SPAG16: variants seen among roughly 807,000 people sequenced by gnomAD.
SPAG16 encodes the protein sperm associated antigen 16, also known as sperm-associated antigen 16 protein.
Under a neutral mutation model 80.4 loss-of-function variants are expected in SPAG16, and 86 were observed. That is an observed-to-expected ratio of 1.07 (90% CI 0.90 to 1.28). SPAG16 has a LOEUF of 1.28. SPAG16 is among the 50% of genes most tolerant of loss of function. The pLI is 0.00. For missense variants in SPAG16, 870 were observed against 765.3 expected (o/e 1.14, Z -1.61); for synonymous variants, 294 against 265.9 (o/e 1.11, Z -1.03).
At chr2:213,766,370 T>C (rs1293513387) in intron 10 of SPAG16, among the ~76,000 whole-genome samples, 2 of 152,196 alleles carry the variant, frequency 1.3e-5, no homozygotes, top group African/African-American at 4.8e-5. Flanking sequence ...TTGTACACTT[T>C]TAAATGGTGA....
At chr2:213,982,631 G>GTGTT (rs1209391246) in intron 12 of SPAG16, among the ~76,000 whole-genome samples, 5 of 151,432 alleles carry the variant, frequency 3.3e-5, no homozygotes, top group Non-Finnish European at 5.9e-5. Flanking sequence ...GTGTGTGTGT[G>GTGTT]TGTGTGTGTG....
At chr2:214,023,238 G>C (rs1187337194) in intron 13 of SPAG16, among the ~76,000 whole-genome samples, 1 of 151,714 alleles carries the variant, frequency 6.6e-6, no homozygotes, top group African/African-American at 2.4e-5. Context: ...TGTGTTCTGA[G>C]AAAAGTCACA....
intron 10 of SPAG16, among the ~76,000 whole-genome samples, chr2:213,725,916 G>A (rs2066748856): frequency 2.0e-5 from 3 of 152,202 alleles, no homozygotes; most frequent in Admixed American, 1.3e-4. Flanking sequence ...TCAGGACATT[G>A]AAAGAAGGCA....
At chr2:213,706,162 C>T (rs537660063) in intron 10 of SPAG16, among the ~76,000 whole-genome samples, 3 of 152,204 alleles carry the variant, frequency 2.0e-5, no homozygotes, top group East Asian at 1.9e-4. Flanking sequence ...ATCATGGAGC[C>T]GAGGTGGCAG....
intron 9 of SPAG16, among the ~76,000 whole-genome samples, chr2:213,451,689 A>G (rs979236932): frequency 3.9e-5 from 6 of 152,150 alleles, no homozygotes; most frequent in Admixed American, 2.0e-4. Context: ...GTCAGGGTTT[A>G]TATAAATGGG....
intron 12 of SPAG16, among the ~76,000 whole-genome samples, chr2:214,011,455 T>C (rs1016794981): frequency 1.6e-4 from 19 of 118,318 alleles, no homozygotes; most frequent in Non-Finnish European, 2.9e-4. Flanking sequence ...CAGCAAACTT[T>C]TCTTCAAAGG....
intron 11 of SPAG16, among the ~76,000 whole-genome samples, chr2:213,893,453 T>C (rs2076865408): frequency 6.6e-6 from 1 of 152,154 alleles, no homozygotes; most frequent in Non-Finnish European, 1.5e-5. Context: ...TGCAATTCAC[T>C]CATAACTCTA....
intron 10 of SPAG16, among the ~76,000 whole-genome samples, chr2:213,655,787 G>A (rs372892366): frequency 1.3e-5 from 2 of 152,126 alleles, no homozygotes; most frequent in Admixed American, 6.5e-5. Flanking sequence ...AATTTTAAAT[G>A]TACCTAATCC....
chr2:213,532,034 C>T (rs980806526), intron 10 of SPAG16, among the ~76,000 whole-genome samples: 5 of 152,114 alleles, frequency 3.3e-5, no homozygotes, highest in African/African-American at 1.2e-4. Context: ...ATACTGGCAT[C>T]AAGAAATTCT....
intron 10 of SPAG16, among the ~76,000 whole-genome samples, chr2:213,580,494 A>G (rs1236044525): frequency 3.9e-5 from 6 of 152,146 alleles, no homozygotes; most frequent in Non-Finnish European, 7.4e-5. Flanking sequence ...ATTGTATTAC[A>G]TAATTCTATG....
intron 13 of SPAG16, among the ~76,000 whole-genome samples, chr2:214,057,237 G>C (rs1277170070): frequency 6.7e-6 from 1 of 149,244 alleles, no homozygotes; most frequent in Non-Finnish European, 1.5e-5. Flanking sequence ...AGCTATGGCA[G>C]CTATACCTTA....
intron 5 of SPAG16, among the ~76,000 whole-genome samples, chr2:213,336,941 C>A (rs903488084): frequency 2.6e-5 from 4 of 152,146 alleles, no homozygotes; most frequent in Admixed American, 6.5e-5. Context: ...CAACAGGAGT[C>A]CACAGATAAC....
intron 10 of SPAG16, among the ~76,000 whole-genome samples, chr2:213,511,145 G>A (rs895266450): frequency 7.1e-5 from 10 of 140,162 alleles, no homozygotes; most frequent in African/African-American, 2.2e-4. Context: ...TTCATACAAC[G>A]CTATCCTGTT....
intron 15 of SPAG16, among the ~76,000 whole-genome samples, chr2:214,335,776 T>C (rs1442517277): frequency 1.1e-5 from 1 of 88,970 alleles, no homozygotes; most frequent in East Asian, 3.2e-4. Context: ...TTTTTTTTTT[T>C]TGAGATGGAG....
chr2:214,357,087 T>G (rs560701182), intron 15 of SPAG16, among the ~76,000 whole-genome samples: 1 of 152,022 alleles, frequency 6.6e-6, no homozygotes, highest in East Asian at 1.9e-4. Flanking sequence ...CCACTCTTAT[T>G]ATGGAGATAT....
At chr2:213,874,980 T>C (rs182304049) in intron 11 of SPAG16, among the ~76,000 whole-genome samples, 153 of 152,288 alleles carry the variant, frequency 1.0e-3, no homozygotes, top group Middle Eastern at 3.4e-3. Flanking sequence ...TCTTGCTCTG[T>C]TGCCCTGGTT....
chr2:214,264,552 C>A (rs752639185), intron 15 of SPAG16, among the ~76,000 whole-genome samples: 35 of 152,192 alleles, frequency 2.3e-4, no homozygotes, highest in Admixed American at 1.2e-3. Flanking sequence ...CACCCCCTTA[C>A]ACTATATTTT....
rs561608726 is a variant in SPAG16, at chr2:213,778,461, G to A, written c.1071-84024G>A. 1.3e-3 allele frequency among the ~76,000 whole-genome samples: 204 copies of A among 152,014 alleles called. 1 individual carries two copies. The highest frequency in any genetic ancestry group is 4.8e-3 in the African/African-American group (198 of 41,476). On this transcript the variant is annotated intron_variant, in intron 10 of 15. Transcript: ENST00000331683. ...TTTTTATACCTTTCACTTTCCCAGG[G>A]CAGTATGTAGTATGCTTTATTACGG...
At chr2:214,265,152 T>C (rs1357962214) in intron 15 of SPAG16, among the ~76,000 whole-genome samples, 1 of 152,114 alleles carries the variant, frequency 6.6e-6, no homozygotes, top group Non-Finnish European at 1.5e-5. Context: ...ATGGTAACAG[T>C]ATGTTAAGTT....
Sources: gnomAD v4.1 joint callset for allele counts (sites outside exome capture counted in the v4.1 genomes callset) on GRCh38, gnomAD v4.1.1 for gene constraint, MANE v1.5 for transcripts, NCBI Gene and HGNC (gene_info 2026-07-23, HGNC 2026-07-21) for gene names.